The following UBE2E2 variants were observed in gnomAD, a reference collection of about 807,000 sequenced individuals.
UBE2E2 encodes ubiquitin-conjugating enzyme E2 E2.
In UBE2E2, 6 loss-of-function variants were observed where a neutral mutation model predicts 24.7. The ratio of observed to expected loss-of-function variants is 0.24; its 90% CI spans 0.13 to 0.48. The LOEUF (loss-of-function observed/expected upper bound fraction) is 0.48. Among genes scored for constraint, UBE2E2 ranks in the 20% least tolerant of loss-of-function variants. UBE2E2 has a pLI of 0.99. For synonymous variants in UBE2E2, 104 were observed against 83.6 expected, an observed-to-expected ratio of 1.24 and a Z score of -1.33; for missense variants, 169 against 245.0, an observed-to-expected ratio of 0.69 and a Z score of 2.07.
chr3:23,567,715 A>G (rs572991455), intron 5 of UBE2E2, among the ~76,000 whole-genome samples: 1 of 152,168 alleles, frequency 6.6e-6, no homozygotes, highest in Non-Finnish European at 1.5e-5. Context: ...GTCTGGAAGA[A>G]CCTGCCACCA....
intron 3 of UBE2E2, among the ~76,000 whole-genome samples, chr3:23,443,748 T>C (rs970786430): frequency 5.3e-5 from 8 of 152,180 alleles, no homozygotes; most frequent in African/African-American, 1.9e-4. Context: ...GAATGATGCA[T>C]AAAAGATGCC....
At chr3:23,286,750 G>A (rs1219030875) in intron 3 of UBE2E2, among the ~76,000 whole-genome samples, 2 of 152,040 alleles carry the variant, frequency 1.3e-5, no homozygotes, top group Admixed American at 6.6e-5. Flanking sequence ...TAGTATGGAC[G>A]TTTTAACAGT....
intron 3 of UBE2E2, among the ~76,000 whole-genome samples, chr3:23,298,037 C>G (rs914116491): frequency 6.6e-6 from 1 of 151,660 alleles, no homozygotes. Flanking sequence ...ATATTTTATT[C>G]TCTTTGAAGC....
At chr3:23,402,973 G>A (rs774243324) in intron 3 of UBE2E2, among the ~76,000 whole-genome samples, 4 of 152,186 alleles carry the variant, frequency 2.6e-5, no homozygotes, top group Admixed American at 2.6e-4. Flanking sequence ...GCCAAAGGCT[G>A]CTTGAGGAGG....
rs573059813 is a variant in UBE2E2 at position 23,556,862 on chromosome 3, T to C, written c.508+24161T>C. 6.6e-5 allele frequency among the ~76,000 whole-genome samples: 10 copies of C among 152,356 alleles called. No individual in the cohort carries two copies. The South Asian group carries it at 2.1e-3, about 32-fold the overall frequency. Reference sequence around the variant, plus strand: ...TAGCACACATGGAATTGGTATGTCCTGTAGAATTATTGCTTTCTTTACCTA... The same window carrying C: ...TAGCACACATGGAATTGGTATGTCCCGTAGAATTATTGCTTTCTTTACCTA... On this transcript the variant is annotated intron_variant, in intron 5 of 5. Coordinates refer to ENST00000396703, the MANE Select transcript of UBE2E2 (RefSeq NM_152653.4).
intron 5 of UBE2E2, among the ~76,000 whole-genome samples, chr3:23,542,076 T>C (rs999737933): frequency 1.3e-5 from 2 of 152,222 alleles, no homozygotes; most frequent in African/African-American, 4.8e-5. Context: ...AGAAAAACTC[T>C]AGAAAAGAGT....
rs367545822 is a variant in UBE2E2 at position 23,380,853 on chromosome 3, A to G, written c.228-118755A>G. 1.1e-3 allele frequency among the ~76,000 whole-genome samples: 172 copies of G among 152,274 alleles called. 3 individuals carry two copies. The South Asian group carries it at 0.035, about 31-fold the overall frequency. ...CCATGAGATTTAAGCACTTTATGTA[A>G]AACAATTTAATTAGGTAAGTGAATT... On this transcript the variant is annotated intron_variant, in intron 3 of 5. Coordinates refer to ENST00000396703, the MANE Select transcript of UBE2E2 (RefSeq NM_152653.4).
rs115017162 is a variant in UBE2E2 at position 23,391,171 on chromosome 3, A to G, written c.228-108437A>G. 7.1e-3 allele frequency among the ~76,000 whole-genome samples: 1,089 copies of G among 152,340 alleles called. 10 individuals carry two copies. Among genetic ancestry groups the G allele is most frequent in the African/African-American group, 0.019 (777 of 41,578 alleles). Reference sequence around the variant, plus strand: ...GTTGTTTACTTACCCAAAGTCATACAGCCAGCCAGTAGCATTTTGTCACAC... The same window carrying G: ...GTTGTTTACTTACCCAAAGTCATACGGCCAGCCAGTAGCATTTTGTCACAC... On this transcript the variant is annotated intron_variant, in intron 3 of 5. Coordinates refer to ENST00000396703, the MANE Select transcript of UBE2E2 (RefSeq NM_152653.4).
At chr3:23,403,356 G>T (rs1267788365) in intron 3 of UBE2E2, among the ~76,000 whole-genome samples, 1 of 152,134 alleles carries the variant, frequency 6.6e-6, no homozygotes, top group African/African-American at 2.4e-5. Flanking sequence ...CAAACCTTGT[G>T]TTGTGTTTAG....
chr3:23,586,983 C>T (rs996291480), intron 5 of UBE2E2, among the ~76,000 whole-genome samples: 70 of 150,962 alleles, frequency 4.6e-4, no homozygotes, highest in Admixed American at 1.5e-3. Context: ...GTTTTCTTTG[C>T]GTGGATTTAT....
chr3:23,234,761 A>G (rs1697063155), intron 3 of UBE2E2, among the ~76,000 whole-genome samples: 3 of 152,160 alleles, frequency 2.0e-5, no homozygotes, highest in Admixed American at 2.0e-4. Flanking sequence ...GGTTGGATAC[A>G]TGTTATCATG....
At chr3:23,276,959 C>T (rs562369795) in intron 3 of UBE2E2, among the ~76,000 whole-genome samples, 4 of 130,284 alleles carry the variant, frequency 3.1e-5, no homozygotes, top group South Asian at 2.2e-4. Flanking sequence ...TCTTTAAAAA[C>T]AAAAACAAAA....
At chr3:23,257,945 A>G (rs1004895482) in intron 3 of UBE2E2, among the ~76,000 whole-genome samples, 2 of 152,014 alleles carry the variant, frequency 1.3e-5, no homozygotes, top group African/African-American at 4.8e-5. Flanking sequence ...TTCCTCTACT[A>G]TCATTAAAAA....
chr3:23,274,800 T>C (rs1431803870), intron 3 of UBE2E2, among the ~76,000 whole-genome samples: 1 of 152,262 alleles, frequency 6.6e-6, no homozygotes, highest in Non-Finnish European at 1.5e-5. Flanking sequence ...TTATTATTTC[T>C]TTACAGCAAA....
rs78606219 is a variant in UBE2E2, at chr3:23,401,577, A to G, written c.228-98031A>G. 7.1e-4 allele frequency among the ~76,000 whole-genome samples: 108 copies of G among 152,254 alleles called. 1 individual carries two copies. The highest frequency in any genetic ancestry group is 2.5e-3 in the African/African-American group (105 of 41,560). ...ACTTACTATGCTGTAAAGAAGCTAT[A>G]TCGTTCTAACTTTCTCCTCCTGTCC... On this transcript the variant is annotated intron_variant, in intron 3 of 5. Coordinates refer to ENST00000396703, the MANE Select transcript of UBE2E2 (RefSeq NM_152653.4).
intron 5 of UBE2E2, among the ~76,000 whole-genome samples, chr3:23,554,514 T>C (rs536600051): frequency 6.6e-6 from 1 of 152,086 alleles, no homozygotes; most frequent in South Asian, 2.1e-4. Flanking sequence ...CCTCTCTCTT[T>C]AAAAAAATAA....
chr3:23,587,202 T>C (rs1176276412), intron 5 of UBE2E2, among the ~76,000 whole-genome samples: 1 of 152,262 alleles, frequency 6.6e-6, no homozygotes, highest in Non-Finnish European at 1.5e-5. Context: ...GCACGCTAAT[T>C]GTTACCAGCA....
At chr3:23,248,140 C>T (rs934051499) in intron 3 of UBE2E2, among the ~76,000 whole-genome samples, 1 of 152,038 alleles carries the variant, frequency 6.6e-6, no homozygotes, top group Non-Finnish European at 1.5e-5. Context: ...ATTTTTTCTT[C>T]CATCAAAAAA....
At chr3:23,528,857 G>A (rs1157971528) in intron 4 of UBE2E2, among the ~76,000 whole-genome samples, 2 of 152,040 alleles carry the variant, frequency 1.3e-5, no homozygotes, top group Non-Finnish European at 2.9e-5. Flanking sequence ...GTGATCCCTG[G>A]GGCATGAGAT....
Sources: gnomAD v4.1 joint callset for allele counts (sites outside exome capture counted in the v4.1 genomes callset) on GRCh38, gnomAD v4.1.1 for gene constraint, MANE v1.5 for transcripts, NCBI Gene and HGNC (gene_info 2026-07-23, HGNC 2026-07-21) for gene names.